Variants in KLHL2 observed in about 807,000 individuals in gnomAD.
KLHL2 encodes the protein kelch like family member 2.
A neutral mutation model predicts 75.8 loss-of-function variants in KLHL2; 15 were observed. The observed-to-expected ratio is 0.20, with a 90% CI of 0.13 to 0.30. The LOEUF is 0.30. Ranked by LOEUF, KLHL2 falls within the 10% of genes least tolerant of loss-of-function variation. KLHL2 has a pLI of 1.00. For missense variants in KLHL2, 381 were observed against 741.0 expected, an observed-to-expected ratio of 0.51 and a Z score of 5.64; for synonymous variants, 214 against 251.9, an observed-to-expected ratio of 0.85 and a Z score of 1.42.
chr4:165,242,839 T>C (rs1561000911), intron 4 of KLHL2, among the ~76,000 whole-genome samples: 1 of 152,160 alleles, frequency 6.6e-6, no homozygotes, highest in Non-Finnish European at 1.5e-5. Context: ...AATATATAAG[T>C]GTGTGTGAGT....
intron 5 of KLHL2, among the ~76,000 whole-genome samples, chr4:165,273,283 A>G (rs1742831880): frequency 1.3e-5 from 2 of 152,154 alleles, no homozygotes; most frequent in Admixed American, 6.5e-5. Context: ...TCTTGAAGCA[A>G]TTGTCATGCT....
intron 5 of KLHL2, among the ~76,000 whole-genome samples, chr4:165,284,024 C>T (rs1337069091): frequency 2.0e-5 from 3 of 152,164 alleles, no homozygotes; most frequent in Non-Finnish European, 4.4e-5. Context: ...CACAGGGCAC[C>T]GTGTCCTTAG....
Position 165,228,929 on chromosome 4 carries a change from G to T in KLHL2, c.259+16G>T. The T allele has an allele frequency of 2.6e-6, 4 of 1,516,404 alleles. No individual in the cohort carries two copies. The highest frequency in any genetic ancestry group is 3.6e-6 in the Non-Finnish European group (4 of 1,097,758). The allele number at this position is 1,516,404 out of a possible 1,614,324, so 93.9% of individuals were successfully genotyped here. ...ATGTTTACAGGTATGAAATATTTTA[G>T]TTATAGGCATTTTAAAAAATGTATT... On this transcript the variant is annotated intron_variant, in intron 3 of 14. Coordinates refer to ENST00000226725, the MANE Select transcript of KLHL2 (RefSeq NM_007246.4).
At chr4:165,247,312 A>G (rs1168063388) in intron 4 of KLHL2, among the ~76,000 whole-genome samples, 1 of 152,160 alleles carries the variant, frequency 6.6e-6, no homozygotes, top group Non-Finnish European at 1.5e-5. Context: ...GAGTGGACTA[A>G]GAATAAGTGG....
intron 5 of KLHL2, chr4:165,279,204 A>G (rs776719080): frequency 6.5e-7 from 1 of 1,535,876 alleles, no homozygotes; most frequent in Non-Finnish European, 9.0e-7. Flanking sequence ...GCACTGAAGT[A>G]AGTGCTAAGT....
chr4:165,232,878 CTTTTTTTTTTTTTTTTT>C (rs912954260), intron 3 of KLHL2, among the ~76,000 whole-genome samples: 1 of 52,570 alleles, frequency 1.9e-5, no homozygotes, highest in South Asian at 5.0e-4. Flanking sequence ...CCCTGTTAAG[CTTTTTTTTTTTTTTTTT>C]TTTTTTTTTG....
At chr4:165,243,619 TAAAC>T (rs1387625023) in intron 4 of KLHL2, among the ~76,000 whole-genome samples, 2 of 152,262 alleles carry the variant, frequency 1.3e-5, no homozygotes, top group Non-Finnish European at 1.5e-5. Flanking sequence ...TTATTGGTAA[TAAAC>T]AGACTAAATG....
At chr4:165,311,809 CTGTGTGTGTGTGTG>C (rs60870309) in intron 11 of KLHL2, among the ~76,000 whole-genome samples, 33 of 144,892 alleles carry the variant, frequency 2.3e-4, no homozygotes, top group East Asian at 8.2e-4. Context: ...TCCTTTCTCT[CTGTGTGTGTGTGTG>C]TGTGTGTGTG....
rs147111519 is a variant in KLHL2 at position 165,253,811 on chromosome 4, C to G, written c.382-9386C>G. Among the ~76,000 whole-genome samples the G allele has an allele frequency of 9.4e-4, 143 of 152,346 alleles. 2 individuals are homozygous for G. In the East Asian group the frequency reaches 0.026, roughly 28 times the overall value. ...TTTCTTTTAAGGCTGACTTCTTCCT[C>G]ATAACATATTTGTGAGAGTCATCTA... On this transcript the variant is annotated intron_variant, in intron 4 of 14. Coordinates refer to ENST00000226725, the MANE Select transcript of KLHL2 (RefSeq NM_007246.4).
At chr4:165,318,603 C>T (rs746466956) in intron 14 of KLHL2, among the ~76,000 whole-genome samples, 22 of 152,138 alleles carry the variant, frequency 1.4e-4, no homozygotes, top group Non-Finnish European at 2.5e-4. Context: ...TCATTCAAAA[C>T]AGTACTGAGA....
At chr4:165,245,160 A>T (rs1357486381) in intron 4 of KLHL2, among the ~76,000 whole-genome samples, 4 of 152,154 alleles carry the variant, frequency 2.6e-5, no homozygotes, top group Non-Finnish European at 2.9e-5. Context: ...GTAAACGAAG[A>T]TCGCACCACT....
In KLHL2 at chr4:165,207,574, C is replaced by T. The variant is rs564577526; in HGVS notation, c.-303C>T. 3.7e-3 allele frequency: 552 copies of T among 150,200 alleles called. 3 individuals carry two copies. The highest frequency in any genetic ancestry group is 6.2e-3 in the Non-Finnish European group (418 of 66,954). 9.3% of individuals were successfully genotyped at this position (150,200 alleles called of 1,614,324 possible). ...AGGCCGCATCGCAGTCCCGTCACAG[C>T]GTCGGCGCCGGCCGGGGCCGAACCC... On this transcript the variant is annotated 5_prime_UTR_variant, in exon 1 of 15. Transcript: ENST00000226725. The surrounding 1 kb of genome is among the most constrained non-coding windows in gnomAD (Gnocchi z 4.2).
intron 5 of KLHL2, among the ~76,000 whole-genome samples, chr4:165,269,450 C>T (rs1173107100): frequency 1.3e-5 from 2 of 152,016 alleles, no homozygotes; most frequent in African/African-American, 2.4e-5. Context: ...TGGCTGGTAC[C>T]GGTTATTCCT....
Position 165,267,625 on chromosome 4 carries a change from C to T in KLHL2, c.544+4266C>T, listed in dbSNP as rs528117675. Among the ~76,000 whole-genome samples the T allele has an allele frequency of 5.9e-3, 896 of 152,088 alleles. 9 individuals carry two copies. The highest frequency in any genetic ancestry group is 0.02 in the African/African-American group (830 of 41,464). Reference sequence around the variant, plus strand: ...GTGATGGATTACGTTTATATATTTGCGTGCATTGAACCAGCCTTGCATCCC... The same window carrying T: ...GTGATGGATTACGTTTATATATTTGTGTGCATTGAACCAGCCTTGCATCCC... On this transcript the variant is annotated intron_variant, in intron 5 of 14. Coordinates refer to ENST00000226725, the MANE Select transcript of KLHL2 (RefSeq NM_007246.4).
intron 1 of KLHL2, among the ~76,000 whole-genome samples, chr4:165,215,360 G>A (rs1035165225): frequency 2.0e-5 from 3 of 152,198 alleles, no homozygotes; most frequent in African/African-American, 7.2e-5. Context: ...CTGTACTTCT[G>A]ATATCCTGGA....
At position 165,313,281 on chromosome 4, in the gene KLHL2, G is replaced by A. The variant is rs761714699; in HGVS notation, c.1383G>A (p.Gln461=). 12 of 1,610,498 alleles carry A rather than the reference G, an allele frequency of 7.5e-6. No homozygotes were observed. Among genetic ancestry groups the A allele is most frequent in the Non-Finnish European group, 1.0e-5 (12 of 1,178,430 alleles). Residue 461 remains glutamine, a synonymous_variant, in exon 12 of 15, where the codon CAG becomes CAA. Transcript: ENST00000226725. The stretch of plus-strand genomic sequence containing the variant: ...GAGGTTATGATGGAGCATCACGTCA[G>A]TGTCTTAGCACAGTAGAATGCTATA... The part of the protein sequence containing the change: ...AVGGYDGASR[Q]CLSTVECYNA...
chr4:165,303,078 T>TC (rs1196886615), intron 8 of KLHL2, among the ~76,000 whole-genome samples: 4 of 152,062 alleles, frequency 2.6e-5, no homozygotes, highest in African/African-American at 7.2e-5. Flanking sequence ...TGCCTTCCTG[T>TC]CCCCCCATTG....
intron 1 of KLHL2, chr4:165,210,236 G>A: frequency 1.3e-6 from 2 of 1,481,976 alleles, no homozygotes; most frequent in Non-Finnish European, 1.8e-6. Context: ...GCCTGTCTCT[G>A]CCTGGCACTG....
chr4:165,317,552 A>T (rs982740138), intron 13 of KLHL2, among the ~76,000 whole-genome samples: 9 of 152,086 alleles, frequency 5.9e-5, no homozygotes, highest in East Asian at 1.9e-4. Context: ...TTTAGTAGAG[A>T]TGGGGTTTTG....
Sources: gnomAD v4.1 joint callset for allele counts (sites outside exome capture counted in the v4.1 genomes callset) on GRCh38, gnomAD v4.1.1 for gene constraint, Gnocchi (gnomAD v3.1) non-coding constraint, MANE v1.5 for transcripts, NCBI Gene and HGNC (gene_info 2026-07-23, HGNC 2026-07-21) for gene names.